Variants in AGAP1 observed in about 807,000 individuals in gnomAD.
The protein encoded by AGAP1 is arf-GAP with GTPase, ANK repeat and PH domain-containing protein 1.
A neutral mutation model predicts 105.3 loss-of-function variants in AGAP1; 29 were observed. The ratio of observed to expected loss-of-function variants is 0.28; its 90% CI spans 0.21 to 0.38. The LOEUF (loss-of-function observed/expected upper bound fraction) is 0.38. Ranked by LOEUF, AGAP1 falls within the 10% of genes least tolerant of loss-of-function variation. The probability of loss-of-function intolerance (pLI) is 1.00; values close to 1 mark genes in which losing one functional copy is unlikely to be tolerated. For missense variants in AGAP1, 998 were observed against 1,165.1 expected, an observed-to-expected ratio of 0.86 and a Z score of 2.09; for synonymous variants, 509 against 485.9, an observed-to-expected ratio of 1.05 and a Z score of -0.63.
At chr2:235,742,023 G>C (rs1251334703) in intron 4 of AGAP1, among the ~76,000 whole-genome samples, 1 of 152,172 alleles carries the variant, frequency 6.6e-6, no homozygotes, top group Non-Finnish European at 1.5e-5. Flanking sequence ...AAAGTGCTGG[G>C]ATTACAGGCG....
chr2:235,783,488 T>C, intron 6 of AGAP1: 1 of 419,006 alleles, frequency 2.4e-6, no homozygotes. Flanking sequence ...CTGCTGTGTG[T>C]CACTGTGGAG....
chr2:235,923,849 G>T (rs776488482), intron 11 of AGAP1, among the ~76,000 whole-genome samples: 7 of 152,164 alleles, frequency 4.6e-5, no homozygotes, highest in African/African-American at 9.7e-5. Flanking sequence ...AAATCTGAAA[G>T]ATGTGAAAGG....
Position 235,970,617 on chromosome 2 carries a change from T to C in AGAP1, c.1645+1994T>C, listed in dbSNP as rs2054603390. ...TCCAACCGAGGTCTGTGGTTTTTTC[T>C]TATGCACAACCTGGTGGGAACTGAC... On this transcript the variant is annotated intron_variant, in intron 13 of 17. Coordinates refer to ENST00000304032, the MANE Select transcript of AGAP1 (RefSeq NM_001037131.3). This position sits in a 1 kb window ranked among gnomAD's most constrained non-coding sequence, Gnocchi z 5.4. Among the ~76,000 whole-genome samples the C allele has an allele frequency of 6.6e-6, 1 of 152,228 alleles. No individual in the cohort carries two copies. Among genetic ancestry groups the C allele is most frequent in the Admixed American group, 6.5e-5 (1 of 15,282 alleles).
At position 235,728,364 on chromosome 2, in the gene AGAP1, G is replaced by A. The variant is rs544468190; in HGVS notation, c.310+10720G>A. The stretch of plus-strand genomic sequence containing the variant: ...ATCAATGTAAATTAGGCTATATACA[G>A]CTGCCAATAATCTGCAAAAGATGAC... On this transcript the variant is annotated intron_variant, in intron 3 of 17. Coordinates refer to ENST00000304032, the MANE Select transcript of AGAP1 (RefSeq NM_001037131.3). This position sits in a 1 kb window ranked among gnomAD's most constrained non-coding sequence, Gnocchi z 4.3. 7.9e-4 allele frequency among the ~76,000 whole-genome samples: 118 copies of A among 149,962 alleles called. No individual in the cohort carries two copies. Among genetic ancestry groups the A allele is most frequent in the Middle Eastern group, 3.5e-3 (1 of 288 alleles).
Position 235,872,466 on chromosome 2 carries a change from G to T in AGAP1, c.1051-10879G>T, listed in dbSNP as rs779938085. Among the ~76,000 whole-genome samples, 10 of 152,072 alleles carry T rather than the reference G, an allele frequency of 6.6e-5. No homozygotes were observed. The highest frequency in any genetic ancestry group is 5.2e-4 in the Admixed American group (8 of 15,272). On this transcript the variant is annotated intron_variant, in intron 9 of 17. Coordinates refer to ENST00000304032, the MANE Select transcript of AGAP1 (RefSeq NM_001037131.3). The surrounding 1 kb of genome is among the most constrained non-coding windows in gnomAD (Gnocchi z 4.5). ...CATGCCGCTGGCCCTGGGTTATGCA[G>T]AATCAAAAAGACTTAGGATCACAGG...
chr2:235,763,208 T>A lies in AGAP1; in HGVS notation c.673+12720T>A, dbSNP rs565386150. On this transcript the variant is annotated intron_variant, in intron 6 of 17. Transcript: ENST00000304032. ...ACTGGAAATGCTCCAAAATCCGAAATGTTTTGAGTGCAGACATGGCACACA... is the reference window on the plus strand; with the variant it reads ...ACTGGAAATGCTCCAAAATCCGAAAAGTTTTGAGTGCAGACATGGCACACA... 2.0e-4 allele frequency among the ~76,000 whole-genome samples: 31 copies of A among 152,206 alleles called. No homozygotes were observed. In the South Asian group the frequency reaches 6.4e-3, roughly 32 times the overall value.
At chr2:236,052,440 G>T (rs2125720060) in intron 16 of AGAP1, among the ~76,000 whole-genome samples, 1 of 152,280 alleles carries the variant, frequency 6.6e-6, no homozygotes, top group Middle Eastern at 3.4e-3. Flanking sequence ...AGGACAGCAG[G>T]CGCCCTGGAC....
intron 1 of AGAP1, among the ~76,000 whole-genome samples, chr2:235,503,785 G>A (rs528542220): frequency 1.1e-4 from 17 of 152,190 alleles, no homozygotes; most frequent in African/African-American, 3.9e-4. Context: ...CAGTAGAGAC[G>A]GGGTTTCACC....
chr2:235,541,252 G>T (rs1204258417), intron 1 of AGAP1, among the ~76,000 whole-genome samples: 2 of 152,024 alleles, frequency 1.3e-5, no homozygotes, highest in African/African-American at 4.8e-5. Flanking sequence ...CTGCCATCTG[G>T]CTGAGGAGAC....
intron 1 of AGAP1, among the ~76,000 whole-genome samples, chr2:235,669,268 CTG>C (rs1387624552): frequency 6.6e-6 from 1 of 152,176 alleles, no homozygotes; most frequent in South Asian, 2.1e-4. Context: ...GTACCAAAGA[CTG>C]TTTTTTAAAC....
intron 1 of AGAP1, among the ~76,000 whole-genome samples, chr2:235,667,589 G>A (rs946382442): frequency 1.3e-5 from 2 of 152,134 alleles, no homozygotes; most frequent in Non-Finnish European, 2.9e-5. Flanking sequence ...GCGCTAGGCT[G>A]TCATTCTGAA....
intron 9 of AGAP1, among the ~76,000 whole-genome samples, chr2:235,856,462 T>C (rs1284057291): frequency 6.6e-6 from 1 of 152,234 alleles, no homozygotes; most frequent in East Asian, 1.9e-4. Flanking sequence ...TCAGGATCTG[T>C]ACATTCTCAT....
rs188157043 is a variant in AGAP1, at chr2:236,089,767, A to G, written c.2115-30425A>G. 3.2e-4 allele frequency among the ~76,000 whole-genome samples: 48 copies of G among 152,316 alleles called. No homozygotes were observed. The highest frequency in any genetic ancestry group is 8.4e-4 in the African/African-American group (35 of 41,572). On this transcript the variant is annotated intron_variant, in intron 16 of 17. Coordinates refer to ENST00000304032, the MANE Select transcript of AGAP1 (RefSeq NM_001037131.3). This position sits in a 1 kb window ranked among gnomAD's most constrained non-coding sequence, Gnocchi z 5.6. ...CAATAAAGAGTGCATTTGTGGAATG[A>G]TAACCTGACTGGCATCCCTGCCTCT... is the stretch of plus-strand genomic sequence containing the variant.
At position 235,655,820 on chromosome 2, in the gene AGAP1, T is replaced by G. The variant is rs544412644; in HGVS notation, c.164-53359T>G. 2.5e-4 allele frequency among the ~76,000 whole-genome samples: 38 copies of G among 152,260 alleles called. No individual in the cohort carries two copies. Among genetic ancestry groups the G allele is most frequent in the African/African-American group, 8.7e-4 (36 of 41,552 alleles). ...AGGATTAAGTTTATTCAGTAGAAATTTCCAAGGTATTTTTTTAAGTGAGGC... is the reference window on the plus strand; with the variant it reads ...AGGATTAAGTTTATTCAGTAGAAATGTCCAAGGTATTTTTTTAAGTGAGGC... On this transcript the variant is annotated intron_variant, in intron 1 of 17. Coordinates refer to ENST00000304032, the MANE Select transcript of AGAP1 (RefSeq NM_001037131.3). The surrounding 1 kb of genome is among the most constrained non-coding windows in gnomAD (Gnocchi z 4.3).
At position 236,002,256 on chromosome 2, in the gene AGAP1, C is replaced by T. The variant is rs1199653069; in HGVS notation, c.1645+33633C>T. Among the ~76,000 whole-genome samples, 1 of 152,150 alleles carries T rather than the reference C, an allele frequency of 6.6e-6. No individual in the cohort carries two copies. The highest frequency in any genetic ancestry group is 1.5e-5 in the Non-Finnish European group (1 of 68,034). On this transcript the variant is annotated intron_variant, in intron 13 of 17. Coordinates refer to ENST00000304032, the MANE Select transcript of AGAP1 (RefSeq NM_001037131.3). The surrounding 1 kb of genome is among the most constrained non-coding windows in gnomAD (Gnocchi z 4.3). ...AATAAACAGACAAACACAACATGAC[C>T]CACGCACCCAGCCTGAGCCCAGGAG... is the stretch of plus-strand genomic sequence containing the variant.
At chr2:235,619,945 C>T (rs1574976995) in intron 1 of AGAP1, among the ~76,000 whole-genome samples, 2 of 152,096 alleles carry the variant, frequency 1.3e-5, no homozygotes, top group East Asian at 3.9e-4. Context: ...TGCTGGCGCC[C>T]CGATCCCGGG....
At chr2:235,991,412 T>C (rs1298268259) in intron 13 of AGAP1, among the ~76,000 whole-genome samples, 2 of 152,124 alleles carry the variant, frequency 1.3e-5, no homozygotes, top group Admixed American at 6.5e-5. Context: ...CCAGCAAATA[T>C]GAAGGCAGGC....
rs983439923 is a variant in AGAP1 at position 235,845,608 on chromosome 2, C to G, written c.1051-37737C>G. Among the ~76,000 whole-genome samples, 4 of 151,870 alleles carry G rather than the reference C, an allele frequency of 2.6e-5. No individual in the cohort carries two copies. Among genetic ancestry groups the G allele is most frequent in the African/African-American group, 7.2e-5 (3 of 41,394 alleles). ...TCCAGTTATTCCTTTCCTGACCCCC[C>G]CCCCGATCTGCTTTTTAATTTCTCA... is the stretch of plus-strand genomic sequence containing the variant. On this transcript the variant is annotated intron_variant, in intron 9 of 17. Transcript: ENST00000304032. The surrounding 1 kb of genome is among the most constrained non-coding windows in gnomAD (Gnocchi z 4.8).
intron 11 of AGAP1, among the ~76,000 whole-genome samples, chr2:235,911,909 A>G (rs2051637229): frequency 6.6e-6 from 1 of 152,244 alleles, no homozygotes; most frequent in Non-Finnish European, 1.5e-5. Context: ...TGACCTTAGC[A>G]CAGAGGCGTT....
Sources: gnomAD v4.1 joint callset for allele counts (sites outside exome capture counted in the v4.1 genomes callset) on GRCh38, gnomAD v4.1.1 for gene constraint, Gnocchi (gnomAD v3.1) non-coding constraint, MANE v1.5 for transcripts, NCBI Gene and HGNC (gene_info 2026-07-23, HGNC 2026-07-21) for gene names.